The following CHMP3 variants were observed in gnomAD, a reference collection of about 807,000 sequenced individuals.
CHMP3 encodes charged multivesicular body protein 3, also known as 25.1 protein.
CHMP3 carries 8 observed loss-of-function variants against 27.4 expected under a neutral mutation model. That is an observed-to-expected ratio of 0.29 (90% CI 0.17 to 0.53). CHMP3 has a LOEUF of 0.53. CHMP3 is among the 20% of genes least tolerant of loss of function. The pLI is 0.96. For synonymous variants in CHMP3, 86 were observed against 85.5 expected, an observed-to-expected ratio of 1.01 and a Z score of -0.03; for missense variants, 208 against 271.5, an observed-to-expected ratio of 0.77 and a Z score of 1.64.
chr2:86,542,221 G>A (rs1553407365), intron 2 of CHMP3, 31 bp downstream of exon 2: 3 of 1,608,794 alleles, frequency 1.9e-6, no homozygotes, highest in South Asian at 2.2e-5. Flanking sequence ...CCAAGAGGGT[G>A]AAAAATAGAA....
At chr2:86,530,972 T>C (rs1675896996) in intron 2 of CHMP3, among the ~76,000 whole-genome samples, 2 of 152,240 alleles carry the variant, frequency 1.3e-5, no homozygotes, top group African/African-American at 4.8e-5. Context: ...TACAGCTTAT[T>C]TGGAGAAATT....
intron 1 of CHMP3, among the ~76,000 whole-genome samples, chr2:86,549,166 GGC>G (rs1384042832): frequency 2.1e-5 from 3 of 143,418 alleles, no homozygotes; most frequent in Non-Finnish European, 4.5e-5. Flanking sequence ...GCCGGGCAGA[GGC>G]GCCCACTTCC....
At chr2:86,517,855 C>T (rs976266465) in intron 3 of CHMP3, among the ~76,000 whole-genome samples, 12 of 151,682 alleles carry the variant, frequency 7.9e-5, no homozygotes, top group African/African-American at 2.9e-4. Context: ...ATGGTGAAAC[C>T]CCATCTCTAC....
chr2:86,529,622 A>C (rs1165845180), intron 2 of CHMP3, among the ~76,000 whole-genome samples: 3 of 152,214 alleles, frequency 2.0e-5, no homozygotes, highest in Non-Finnish European at 4.4e-5. Flanking sequence ...CACCTTTCTA[A>C]CATTTGTTGG....
At chr2:86,508,701 G>A (rs1674981017) in intron 4 of CHMP3, among the ~76,000 whole-genome samples, 1 of 152,118 alleles carries the variant, frequency 6.6e-6, no homozygotes, top group African/African-American at 2.4e-5. Flanking sequence ...ATGCTGAAGG[G>A]TTCAGATTTA....
At chr2:86,557,245 G>A (rs918184600) in intron 1 of CHMP3, among the ~76,000 whole-genome samples, 2 of 152,096 alleles carry the variant, frequency 1.3e-5, no homozygotes, top group Non-Finnish European at 2.9e-5. Context: ...GTTTGACTGG[G>A]GTAGGGTTAA....
intron 5 of CHMP3, chr2:86,507,253 T>C (rs2104737656): frequency 2.1e-6 from 1 of 471,908 alleles, no homozygotes; most frequent in Middle Eastern, 6.1e-4. Flanking sequence ...ATGAGAGCAG[T>C]ATCTTCCTTT....
At chr2:86,546,438 C>CTT (rs201399690) in intron 1 of CHMP3, among the ~76,000 whole-genome samples, 5 of 136,024 alleles carry the variant, frequency 3.7e-5, no homozygotes, top group Admixed American at 7.4e-5. Flanking sequence ...TGAAGTTGGA[C>CTT]TTTTTTTTTT....
At position 86,544,264 on chromosome 2, in the gene CHMP3, C is replaced by T. The variant is rs144972876; in HGVS notation, c.46-1952G>A. 2.2e-4 allele frequency among the ~76,000 whole-genome samples: 33 copies of T among 151,930 alleles called. 1 individual carries two copies. The East Asian group carries it at 6.0e-3, about 28-fold the overall frequency. On this transcript the variant is annotated intron_variant, in intron 1 of 5. Transcript: ENST00000263856. ...CATTTCTACCACATCTCACCAATAC[C>T]TGTTATTTTCTAATTTTTTTATGAT...
intron 1 of CHMP3, among the ~76,000 whole-genome samples, chr2:86,556,755 C>A (rs1446539589): frequency 6.6e-6 from 1 of 152,148 alleles, no homozygotes; most frequent in Non-Finnish European, 1.5e-5. Context: ...CTCGCAGCGC[C>A]GGCTTGTCAG....
chr2:86,511,571 A>C (rs1292932750), intron 3 of CHMP3: 1 of 151,628 alleles, frequency 6.6e-6, no homozygotes, highest in African/African-American at 2.4e-5. Flanking sequence ...AAATTTTATA[A>C]TTTTATAAAA....
intron 2 of CHMP3, among the ~76,000 whole-genome samples, chr2:86,531,541 GTTC>G (rs1354569694): frequency 6.6e-6 from 1 of 152,072 alleles, no homozygotes; most frequent in African/African-American, 2.4e-5. Flanking sequence ...CCAGCAGTTT[GTTC>G]TTCAAGTTGT....
chr2:86,511,354 A>G (rs1460293739), intron 3 of CHMP3: 1 of 152,156 alleles, frequency 6.6e-6, no homozygotes, highest in Non-Finnish European at 1.5e-5. Flanking sequence ...TGATTTTTCT[A>G]AAGGAGTAAG....
chr2:86,535,994 CTTTTTTTTT>C (rs60555193), intron 2 of CHMP3, among the ~76,000 whole-genome samples: 1 of 111,542 alleles, frequency 9.0e-6, no homozygotes, highest in Admixed American at 1.1e-4. Context: ...ATAAACCTTT[CTTTTTTTTT>C]TTTTTTTTTT....
chr2:86,551,638 G>C (rs1172617742), intron 1 of CHMP3, among the ~76,000 whole-genome samples: 1 of 152,156 alleles, frequency 6.6e-6, no homozygotes, highest in Non-Finnish European at 1.5e-5. Context: ...CACTGCATTA[G>C]GAATTAGAGG....
At chr2:86,506,294 C>A (rs567933216) in intron 5 of CHMP3, among the ~76,000 whole-genome samples, 75 of 152,320 alleles carry the variant, frequency 4.9e-4, no homozygotes, top group Non-Finnish European at 9.7e-4. Context: ...CTTTCCCCAA[C>A]AACTTAAACC....
At chr2:86,537,494 T>C (rs1002114967) in intron 2 of CHMP3, among the ~76,000 whole-genome samples, 4 of 152,242 alleles carry the variant, frequency 2.6e-5, no homozygotes, top group African/African-American at 9.6e-5. Context: ...GACTTACTTT[T>C]TCCTGCTTTG....
intron 3 of CHMP3, among the ~76,000 whole-genome samples, chr2:86,522,429 C>A (rs747983689): frequency 1.3e-5 from 2 of 152,156 alleles, no homozygotes; most frequent in Non-Finnish European, 2.9e-5. Context: ...ACACAACAAC[C>A]CTGTCTAGGA....
intron 3 of CHMP3, chr2:86,512,169 A>AT (rs1419936497): frequency 1.1e-4 from 17 of 152,272 alleles, no homozygotes; most frequent in African/African-American, 3.9e-4. Context: ...TGCCACTGTG[A>AT]TAAGTATTAA....
Sources: gnomAD v4.1 joint callset for allele counts (sites outside exome capture counted in the v4.1 genomes callset) on GRCh38, gnomAD v4.1.1 for gene constraint, MANE v1.5 for transcripts, NCBI Gene and HGNC (gene_info 2026-07-23, HGNC 2026-07-21) for gene names.